The following CDH7 variants were observed in gnomAD, a reference collection of about 807,000 sequenced individuals.
CDH7 encodes cadherin 7.
CDH7 carries 25 observed loss-of-function variants against 71.8 expected under a neutral mutation model. The observed-to-expected ratio is 0.35, with a 90% CI of 0.25 to 0.49. CDH7 has a LOEUF of 0.49. Ranked by LOEUF, CDH7 falls within the 20% of genes least tolerant of loss-of-function variation. The pLI, the probability that CDH7 is intolerant of heterozygous loss-of-function variation, is 0.99. For missense variants in CDH7, 862 were observed against 974.6 expected, an observed-to-expected ratio of 0.88 and a Z score of 1.54; for synonymous variants, 381 against 363.8, an observed-to-expected ratio of 1.05 and a Z score of -0.54.
intron 1 of CDH7, among the ~76,000 whole-genome samples, chr18:65,753,405 T>C (rs1294605219): frequency 6.6e-6 from 1 of 152,118 alleles, no homozygotes; most frequent in Admixed American, 6.6e-5. Flanking sequence ...TTTCATAAGG[T>C]TTTACATTTA....
chr18:65,800,948 T>C (rs1911099655), intron 2 of CDH7, among the ~76,000 whole-genome samples: 1 of 152,166 alleles, frequency 6.6e-6, no homozygotes, highest in African/African-American at 2.4e-5. Context: ...CCAACTTAAA[T>C]ATCATTTCTT....
At chr18:65,790,909 A>G (rs181763948) in intron 2 of CDH7, among the ~76,000 whole-genome samples, 80 of 152,312 alleles carry the variant, frequency 5.3e-4, no homozygotes, top group African/African-American at 1.9e-3. Flanking sequence ...AAGGTAATTG[A>G]TTAGTTTAAA....
Position 65,888,899 on chromosome 18 carries a change from T to C in CDH7, c.*8005T>C, listed in dbSNP as rs942804548. On this transcript the variant is annotated 3_prime_UTR_variant, in exon 12 of 12. Transcript: ENST00000397968. ...TGGTTTAAGAGGATAAGAAGATAGCTGAAACTCTAATAATTGGACTTTCCA... is the reference window on the plus strand; with the variant it reads ...TGGTTTAAGAGGATAAGAAGATAGCCGAAACTCTAATAATTGGACTTTCCA... The C allele has an allele frequency of 1.3e-5, 2 of 152,194 alleles. No individual in the cohort carries two copies. Among genetic ancestry groups the C allele is most frequent in the African/African-American group, 4.8e-5 (2 of 41,464 alleles). 9.4% of individuals were successfully genotyped at this position (152,194 alleles called of 1,614,324 possible).
chr18:65,785,883 T>C (rs1436668787), intron 2 of CDH7, among the ~76,000 whole-genome samples: 1 of 152,190 alleles, frequency 6.6e-6, no homozygotes, highest in Admixed American at 6.5e-5. Flanking sequence ...TTTGTAAAAG[T>C]ACATATAGCA....
intron 11 of CDH7, among the ~76,000 whole-genome samples, chr18:65,872,447 T>C (rs1913956015): frequency 6.6e-6 from 1 of 152,202 alleles, no homozygotes; most frequent in South Asian, 2.1e-4. Context: ...TTCCACTTAA[T>C]GTCCTCCCTT....
At chr18:65,805,712 G>A (rs1295799678) in intron 2 of CDH7, among the ~76,000 whole-genome samples, 1 of 152,166 alleles carries the variant, frequency 6.6e-6, no homozygotes, top group East Asian at 1.9e-4. Flanking sequence ...CCCAGGGGCC[G>A]ATCCATCATG....
intron 1 of CDH7, among the ~76,000 whole-genome samples, chr18:65,758,625 G>A (rs536187731): frequency 8.5e-5 from 13 of 152,278 alleles, no homozygotes; most frequent in African/African-American, 3.1e-4. Context: ...ATATCCTTGT[G>A]CACTCTGATA....
intron 6 of CDH7, among the ~76,000 whole-genome samples, chr18:65,829,390 C>T (rs1415472087): frequency 6.7e-6 from 1 of 150,100 alleles, no homozygotes; most frequent in East Asian, 2.0e-4. Context: ...TTTTTATGAT[C>T]ATTAACTCAT....
intron 4 of CDH7, among the ~76,000 whole-genome samples, chr18:65,821,436 T>G (rs1241346197): frequency 6.6e-6 from 1 of 152,152 alleles, no homozygotes; most frequent in Admixed American, 6.5e-5. Flanking sequence ...ATTGAAGGTG[T>G]TACTTAAAGT....
intron 2 of CDH7, among the ~76,000 whole-genome samples, chr18:65,791,778 A>G (rs774229538): frequency 1.3e-5 from 2 of 152,218 alleles, no homozygotes; most frequent in South Asian, 2.1e-4. Flanking sequence ...GATTCTGTTC[A>G]GTAAACACTG....
chr18:65,822,193 A>G lies in CDH7; in HGVS notation c.738A>G (p.Thr246=). The change falls in exon 5 of 12, where the codon ACA becomes ACG. Residue 246 remains threonine (T), a synonymous_variant. Transcript: ENST00000397968. ...AAAATGGAGGACTGTCAGGAACTACATCAGTCACTGTGACCCTAACTGATG... is the reference window on the plus strand; with the variant it reads ...AAAATGGAGGACTGTCAGGAACTACGTCAGTCACTGTGACCCTAACTGATG... ...VGQNGGLSGT[T]SVTVTLTDVN... 6.2e-7 allele frequency: 1 copy of G among 1,613,646 alleles called. No individual in the cohort carries two copies. The highest frequency in any genetic ancestry group is 8.5e-7 in the Non-Finnish European group (1 of 1,179,586).
At chr18:65,792,373 C>G (rs1057302864) in intron 2 of CDH7, among the ~76,000 whole-genome samples, 1 of 151,994 alleles carries the variant, frequency 6.6e-6, no homozygotes, top group African/African-American at 2.4e-5. Flanking sequence ...TGTAAAGAAT[C>G]AAACAAGTAA....
At chr18:65,774,406 T>G (rs1336336769) in intron 2 of CDH7, among the ~76,000 whole-genome samples, 1 of 152,130 alleles carries the variant, frequency 6.6e-6, no homozygotes, top group Non-Finnish European at 1.5e-5. Context: ...TCTTCTTTCA[T>G]AGCAAATTCC....
rs1452232568 is a variant in CDH7 at position 65,889,699 on chromosome 18, T to A, written c.*8805T>A. On this transcript the variant is annotated 3_prime_UTR_variant, in exon 12 of 12. Transcript: ENST00000397968. ...CTAAAGAGTGTATTTAAGATTTAAA[T>A]ATATCTTTGAAGCTAGAAGTACTAT... The A allele has an allele frequency of 3.3e-5, 5 of 152,174 alleles. No individual in the cohort carries two copies. The highest frequency in any genetic ancestry group is 1.2e-4 in the African/African-American group (5 of 41,446). The allele number at this position is 152,174 out of a possible 1,614,324, so 9.4% of individuals were successfully genotyped here. A position where few individuals can be genotyped will look rare whatever the true frequency, so the allele number is the denominator to read the frequency against.
intron 6 of CDH7, among the ~76,000 whole-genome samples, chr18:65,829,846 G>A (rs1912275557): frequency 6.8e-6 from 1 of 148,030 alleles, no homozygotes; most frequent in African/African-American, 2.5e-5. Flanking sequence ...GTCTAATCAT[G>A]GAATGTAGAT....
Position 65,762,831 on chromosome 18 carries a change from G to GA in CDH7, c.-2dup, listed in dbSNP as rs200963885. The GA allele has an allele frequency of 0.031, 40,695 of 1,310,380 alleles. 126 individuals carry two copies. Among genetic ancestry groups the GA allele is most frequent in the Non-Finnish European group, 0.035 (34,059 of 961,512 alleles). The allele number at this position is 1,310,380 out of a possible 1,614,324, so 81.2% of individuals were successfully genotyped here. On this transcript the variant is annotated 5_prime_UTR_variant, in exon 2 of 12. Coordinates refer to ENST00000397968, the MANE Select transcript of CDH7 (RefSeq NM_004361.5). ...TTTTTTCTTACACAGGAAAAAGAAA[G>GA]AAAAAAAAAAGATGAAGTTGGGCAA...
chr18:65,808,639 G>A (rs1285649297), intron 2 of CDH7, among the ~76,000 whole-genome samples: 1 of 152,126 alleles, frequency 6.6e-6, no homozygotes, highest in Non-Finnish European at 1.5e-5. Context: ...AACAGCTACA[G>A]GGAAGGATGA....
intron 2 of CDH7, among the ~76,000 whole-genome samples, chr18:65,776,839 T>C (rs1942830): frequency 0.34 from 52,284 of 152,038 alleles, 9,350 homozygotes; most frequent in Middle Eastern, 0.46. Context: ...TCAAAATTAA[T>C]AGATTGCATT....
At chr18:65,762,149 C>A (rs1916208987) in intron 1 of CDH7, among the ~76,000 whole-genome samples, 1 of 152,164 alleles carries the variant, frequency 6.6e-6, no homozygotes, top group Non-Finnish European at 1.5e-5. Context: ...TTTTGCATCA[C>A]CTCATACTTC....
Sources: allele counts gnomAD v4.1 joint callset (sites outside exome capture counted in the v4.1 genomes callset), GRCh38; gene constraint gnomAD v4.1.1; transcripts MANE v1.5; gene names NCBI Gene and HGNC (gene_info 2026-07-23, HGNC 2026-07-21).